Variants in MGAT4C observed in about 807,000 individuals in gnomAD.
The protein encoded by MGAT4C is alpha-1,3-mannosyl-glycoprotein 4-beta-N-acetylglucosaminyltransferase C.
A neutral mutation model predicts 40.1 loss-of-function variants in MGAT4C; 19 were observed. The ratio of observed to expected loss-of-function variants is 0.47; its 90% CI spans 0.33 to 0.70. MGAT4C has a LOEUF of 0.70. Ranked by LOEUF, MGAT4C falls within the 30% of genes least tolerant of loss-of-function variation. The probability of loss-of-function intolerance (pLI) is 0.02; values close to 1 mark genes in which losing one functional copy is unlikely to be tolerated. For missense variants in MGAT4C, 491 were observed against 563.2 expected (o/e 0.87, Z 1.30); for synonymous variants, 181 against 187.1 (o/e 0.97, Z 0.27).
chr12:86,293,265 TGTTA>T (rs1223787981), intron 4 of MGAT4C, among the ~76,000 whole-genome samples: 1 of 152,146 alleles, frequency 6.6e-6, no homozygotes, highest in Non-Finnish European at 1.5e-5. Flanking sequence ...AAATAGATAT[TGTTA>T]GTTTAATAGT....
At chr12:86,714,541 A>T (rs899117410) in intron 2 of MGAT4C, among the ~76,000 whole-genome samples, 1 of 151,952 alleles carries the variant, frequency 6.6e-6, no homozygotes, top group Non-Finnish European at 1.5e-5. Flanking sequence ...AAATCTGATG[A>T]TTTTATAAGG....
chr12:86,419,055 C>A (rs756829880), intron 3 of MGAT4C, among the ~76,000 whole-genome samples: 3 of 152,054 alleles, frequency 2.0e-5, no homozygotes, highest in Non-Finnish European at 4.4e-5. Flanking sequence ...CAAAACAAAA[C>A]CTTTTCCAAA....
intron 1 of MGAT4C, among the ~76,000 whole-genome samples, chr12:86,189,011 T>G (rs1036486164): frequency 2.6e-5 from 4 of 152,038 alleles, no homozygotes; most frequent in Middle Eastern, 6.8e-3. Context: ...TATGTGGAGA[T>G]AGAGGAGTGT....
chr12:86,692,321 T>C (rs1419642032), intron 2 of MGAT4C, among the ~76,000 whole-genome samples: 1 of 152,142 alleles, frequency 6.6e-6, no homozygotes, highest in Non-Finnish European at 1.5e-5. Flanking sequence ...TATAATTACA[T>C]GTTATCACAT....
At chr12:86,439,366 T>C (rs1030197063) in intron 2 of MGAT4C, among the ~76,000 whole-genome samples, 8 of 151,886 alleles carry the variant, frequency 5.3e-5, no homozygotes, top group African/African-American at 1.9e-4. Flanking sequence ...ACAACCTACT[T>C]CTGAACTATG....
intron 3 of MGAT4C, among the ~76,000 whole-genome samples, chr12:86,412,327 C>T (rs1460306326): frequency 6.6e-6 from 1 of 152,168 alleles, no homozygotes. Flanking sequence ...CAATGTTAGC[C>T]CTTGAGAGCA....
chr12:86,804,679 G>C (rs555693236), intron 1 of MGAT4C, among the ~76,000 whole-genome samples: 36 of 151,812 alleles, frequency 2.4e-4, no homozygotes, highest in Non-Finnish European at 4.7e-4. Flanking sequence ...TTTATTTACA[G>C]TAATTTCTAA....
intron 1 of MGAT4C, among the ~76,000 whole-genome samples, chr12:86,165,806 A>G (rs1052942766): frequency 6.6e-6 from 1 of 152,180 alleles, no homozygotes; most frequent in Non-Finnish European, 1.5e-5. Context: ...TAGACAACTC[A>G]TATTTATTAT....
intron 1 of MGAT4C, among the ~76,000 whole-genome samples, chr12:86,830,632 GT>G (rs1013339673): frequency 7.2e-5 from 11 of 151,744 alleles, no homozygotes; most frequent in African/African-American, 2.7e-4. Context: ...GATTACTCAT[GT>G]TTTTCGAAAG....
intron 1 of MGAT4C, among the ~76,000 whole-genome samples, chr12:86,164,093 A>G (rs1465177918): frequency 6.6e-6 from 1 of 152,222 alleles, no homozygotes; most frequent in Non-Finnish European, 1.5e-5. Context: ...AGTGAAATAT[A>G]AGAATGTCAG....
intron 2 of MGAT4C, among the ~76,000 whole-genome samples, chr12:86,657,955 A>G (rs935878384): frequency 1.8e-4 from 28 of 152,002 alleles, no homozygotes; most frequent in African/African-American, 5.3e-4. Context: ...TAAATATTCT[A>G]TAAAGAACAT....
At chr12:86,746,306 A>G (rs1951150861) in intron 1 of MGAT4C, among the ~76,000 whole-genome samples, 1 of 151,640 alleles carries the variant, frequency 6.6e-6, no homozygotes, top group African/African-American at 2.4e-5. Context: ...CAGGGGCCTT[A>G]AAACCCTTTA....
intron 3 of MGAT4C, among the ~76,000 whole-genome samples, chr12:86,382,805 G>A (rs565032683): frequency 5.3e-5 from 8 of 152,322 alleles, no homozygotes; most frequent in South Asian, 2.1e-4. Context: ...AGTTTCCATG[G>A]GATTTTGAGC....
intron 2 of MGAT4C, among the ~76,000 whole-genome samples, chr12:86,488,228 A>G (rs934486163): frequency 6.6e-6 from 1 of 151,382 alleles, no homozygotes; most frequent in Admixed American, 6.6e-5. Context: ...CAGCCTGGGC[A>G]ACACAGTGGA....
Position 85,966,660 on chromosome 12 carries a change from CAAT to C in MGAT4C, c.*12626_*12628del, listed in dbSNP as rs1222376083. 6.6e-6 allele frequency: 1 copy of C among 151,978 alleles called. No individual in the cohort carries two copies. Among genetic ancestry groups the C allele is most frequent in the Admixed American group, 6.6e-5 (1 of 15,252 alleles). The allele number at this position is 151,978 out of a possible 1,614,324, so 9.4% of individuals were successfully genotyped here. On this transcript the variant is annotated 3_prime_UTR_variant, in exon 5 of 5. Transcript: ENST00000611864. ...ACTTGGAACCAATCCAAATGTCCAA[CAAT>C]GATAGACTGGATTAAGAAAATGTGG...
chr12:86,130,311 T>C (rs905129372), intron 1 of MGAT4C, among the ~76,000 whole-genome samples: 7 of 152,130 alleles, frequency 4.6e-5, no homozygotes, highest in Non-Finnish European at 8.8e-5. Context: ...TAAATCCATA[T>C]TGAATATGAA....
intron 2 of MGAT4C, among the ~76,000 whole-genome samples, chr12:86,442,562 T>C (rs562835441): frequency 2.9e-4 from 44 of 152,256 alleles, no homozygotes; most frequent in African/African-American, 1.1e-3. Flanking sequence ...TTTCTACATA[T>C]GGCTAGCCAG....
intron 4 of MGAT4C, among the ~76,000 whole-genome samples, chr12:86,331,917 A>G (rs576230258): frequency 2.6e-5 from 4 of 152,324 alleles, no homozygotes; most frequent in South Asian, 2.1e-4. Flanking sequence ...AAGGTCTAAT[A>G]GGTTCCCTAC....
intron 3 of MGAT4C, among the ~76,000 whole-genome samples, chr12:86,350,184 C>T (rs61950735): frequency 0.085 from 12,884 of 152,078 alleles, 759 homozygotes; most frequent in Middle Eastern, 0.23. Flanking sequence ...TCAGGAACCC[C>T]AGACTTTAAC....
Sources: allele counts gnomAD v4.1 joint callset (sites outside exome capture counted in the v4.1 genomes callset), GRCh38; gene constraint gnomAD v4.1.1; transcripts MANE v1.5; gene names NCBI Gene and HGNC (gene_info 2026-07-23, HGNC 2026-07-21).